Variants in PPP2R5D observed in about 807,000 individuals in gnomAD.
The protein encoded by PPP2R5D is serine/threonine-protein phosphatase 2A 56 kDa regulatory subunit delta isoform.
A neutral mutation model predicts 79.1 loss-of-function variants in PPP2R5D; 12 were observed. That is an observed-to-expected ratio of 0.15 (90% CI 0.10 to 0.25). PPP2R5D has a LOEUF of 0.25. Ranked by LOEUF, PPP2R5D falls within the 10% of genes least tolerant of loss-of-function variation. PPP2R5D has a pLI of 1.00. For missense variants in PPP2R5D, 419 were observed against 760.2 expected (o/e 0.55, Z 5.28); for synonymous variants, 277 against 286.6 (o/e 0.97, Z 0.34).
Position 43,006,177 on chromosome 6 carries a change from TCAA to T in PPP2R5D, c.106-285_106-283del, listed in dbSNP as rs1277938020. ...ATCACTTTTTTGACTTCTGTCACCA[TCAA>T]TCTATCAATTAGCTTTACCTGTTCA... On this transcript the variant is annotated intron_variant, in intron 2 of 15. Coordinates refer to ENST00000485511, the MANE Select transcript of PPP2R5D (RefSeq NM_006245.4). This position sits in a 1 kb window ranked among gnomAD's most constrained non-coding sequence, Gnocchi z 4.7. Among the ~76,000 whole-genome samples, 40 of 152,196 alleles carry T rather than the reference TCAA, an allele frequency of 2.6e-4. No individual in the cohort carries two copies. Among genetic ancestry groups the T allele is most frequent in the Admixed American group, 3.9e-4 (6 of 15,284 alleles).
In PPP2R5D at chr6:43,008,271, G is replaced by C; in HGVS notation, c.917+11G>C. On this transcript the variant is annotated intron_variant, in intron 8 of 15. Coordinates refer to ENST00000485511, the MANE Select transcript of PPP2R5D (RefSeq NM_006245.4). The surrounding 1 kb of genome is among the most constrained non-coding windows in gnomAD (Gnocchi z 4.2). ...GGAGATCCTGGGCAGGTGAGAGGCC[G>C]GGTGGGGGCACAGATGCCTGAAAAA... 1 of 1,614,170 alleles carries C rather than the reference G, an allele frequency of 6.2e-7. No homozygotes were observed. Among genetic ancestry groups the C allele is most frequent in the Non-Finnish European group, 8.5e-7 (1 of 1,180,028 alleles).
rs551806316 is a variant in PPP2R5D, at chr6:43,000,804, G to C, written c.106-5659G>C. Among the ~76,000 whole-genome samples, 84 of 152,376 alleles carry C rather than the reference G, an allele frequency of 5.5e-4. 1 individual carries two copies. Among genetic ancestry groups the C allele is most frequent in the Non-Finnish European group, 2.9e-5 (2 of 68,046 alleles). On this transcript the variant is annotated intron_variant, in intron 2 of 15. Coordinates refer to ENST00000485511, the MANE Select transcript of PPP2R5D (RefSeq NM_006245.4). ...AGTTGGGGCAGGAGAGGAAGAGTCT[G>C]TGGGGAGGAGCCTGGGCAGGACCTG... is the stretch of plus-strand genomic sequence containing the variant.
At position 43,009,702 on chromosome 6, in the gene PPP2R5D, A is replaced by G. The variant is rs1762256282; in HGVS notation, c.1379+253A>G. On this transcript the variant is annotated intron_variant, in intron 12 of 15. Coordinates refer to ENST00000485511, the MANE Select transcript of PPP2R5D (RefSeq NM_006245.4). The surrounding 1 kb of genome is among the most constrained non-coding windows in gnomAD (Gnocchi z 5.6). ...GTTCAGCTATTCTACAGGTCCTATC[A>G]CAGCTTTGGAGATGTAATTCTATGC... Among the ~76,000 whole-genome samples the G allele has an allele frequency of 6.6e-6, 1 of 152,210 alleles. No homozygotes were observed. The highest frequency in any genetic ancestry group is 1.5e-5 in the Non-Finnish European group (1 of 68,046).
intron 1 of PPP2R5D, among the ~76,000 whole-genome samples, chr6:42,987,828 G>T (rs1770966065): frequency 6.6e-6 from 1 of 152,050 alleles, no homozygotes; most frequent in Admixed American, 6.6e-5. Flanking sequence ...GGGTGGAGGG[G>T]TACAAAAAAG....
chr6:43,006,535 A>G lies in PPP2R5D; in HGVS notation c.178A>G (p.Ser60Gly). Residue 60 changes from serine (S) to glycine (G), a missense_variant, in exon 3 of 16, where the codon AGC (serine) becomes GGC (glycine). By Grantham distance (56) the Ser-to-Gly change is moderately conservative (BLOSUM62 0). Around this residue, in one of 5 missense-constraint regions of PPP2R5D, gnomAD observed 110 missense variants for 147.6 expected, o/e 0.75. Coordinates refer to ENST00000485511, the MANE Select transcript of PPP2R5D (RefSeq NM_006245.4). This position sits in a 1 kb window ranked among gnomAD's most constrained non-coding sequence, Gnocchi z 4.7. The part of the protein sequence containing the change: ...SQPPSSNKRP[S>G]NSTPPPTQLS... ...GCCACCGTCATCCAACAAGCGTCCCAGCAATAGCACGCCGCCCCCCACGCA... is the reference window on the plus strand; with the variant it reads ...GCCACCGTCATCCAACAAGCGTCCCGGCAATAGCACGCCGCCCCCCACGCA... 1 of 1,614,064 alleles carries G rather than the reference A, an allele frequency of 6.2e-7. No homozygotes were observed. Among genetic ancestry groups the G allele is most frequent in the East Asian group, 2.2e-5 (1 of 44,874 alleles).
chr6:42,990,943 C>T (rs1300493995), intron 2 of PPP2R5D, among the ~76,000 whole-genome samples: 2 of 152,004 alleles, frequency 1.3e-5, no homozygotes, highest in Non-Finnish European at 2.9e-5. Flanking sequence ...AACTCCTGAC[C>T]TCAGGTGATC....
At position 43,007,276 on chromosome 6, in the gene PPP2R5D, C is replaced by A; in HGVS notation, c.603C>A (p.Pro201=). 3 of 1,614,154 alleles carry A rather than the reference C, an allele frequency of 1.9e-6. No homozygotes were observed. The highest frequency in any genetic ancestry group is 3.3e-5 in the Admixed American group (2 of 60,022). Residue 201 remains proline (P), a synonymous_variant, in exon 5 of 16, where the codon CCC becomes CCA. Coordinates refer to ENST00000485511, the MANE Select transcript of PPP2R5D (RefSeq NM_006245.4). This position sits in a 1 kb window ranked among gnomAD's most constrained non-coding sequence, Gnocchi z 4.5. ...AGTTTGACCCAGAGGAAGATGAGCC[C>A]ACCCTGGAAGCTGCTTGGCCACATC... The part of the protein sequence containing the change: ...GAEFDPEEDE[P]TLEAAWPHLQ...
intron 2 of PPP2R5D, among the ~76,000 whole-genome samples, chr6:43,004,230 C>T (rs1010295925): frequency 6.6e-6 from 1 of 151,212 alleles, no homozygotes; most frequent in Non-Finnish European, 1.5e-5. Context: ...ACTGTGTTGT[C>T]CAGGCTGGTC....
At chr6:42,998,129 C>T (rs1203777593) in intron 2 of PPP2R5D, among the ~76,000 whole-genome samples, 1 of 112,192 alleles carries the variant, frequency 8.9e-6, no homozygotes, top group Non-Finnish European at 1.7e-5. Flanking sequence ...GGCTGGAGTG[C>T]AGTGGTGTGA....
At chr6:43,005,789 T>A (rs1762040858) in intron 2 of PPP2R5D, among the ~76,000 whole-genome samples, 1 of 151,974 alleles carries the variant, frequency 6.6e-6, no homozygotes, top group Admixed American at 6.6e-5. Context: ...GCCTGGCTAA[T>A]GTTTGTATTT....
At chr6:42,989,913 A>T (rs1381845744) in intron 2 of PPP2R5D, among the ~76,000 whole-genome samples, 2 of 152,220 alleles carry the variant, frequency 1.3e-5, no homozygotes, top group Non-Finnish European at 2.9e-5. Context: ...GATTCCTATG[A>T]AAGTTGTTTC....
chr6:43,006,343 C>T lies in PPP2R5D; in HGVS notation c.106-120C>T. ...AACCCTGGCCTTAGCTCCTTCGGGGCAGGAGACAGCTGCTCACTGCCCAGG... is the reference window on the plus strand; with the variant it reads ...AACCCTGGCCTTAGCTCCTTCGGGGTAGGAGACAGCTGCTCACTGCCCAGG... On this transcript the variant is annotated intron_variant, in intron 2 of 15. Transcript: ENST00000485511. The surrounding 1 kb of genome is among the most constrained non-coding windows in gnomAD (Gnocchi z 4.7). The T allele has an allele frequency of 1.4e-6, 2 of 1,460,304 alleles. No individual in the cohort carries two copies. The highest frequency in any genetic ancestry group is 1.4e-5 in the African/African-American group (1 of 70,546). 90.5% of individuals were successfully genotyped at this position (1,460,304 alleles called of 1,614,324 possible).
intron 2 of PPP2R5D, among the ~76,000 whole-genome samples, chr6:43,004,491 C>T (rs1761950174): frequency 6.6e-6 from 1 of 151,284 alleles, no homozygotes; most frequent in African/African-American, 2.4e-5. Context: ...TCATTAGATT[C>T]CTTTAGATTT....
intron 1 of PPP2R5D, 84 bp downstream of exon 1, chr6:42,984,788 C>A: frequency 6.3e-7 from 1 of 1,580,088 alleles, no homozygotes; most frequent in Non-Finnish European, 8.6e-7. Context: ...CCGGGACAGC[C>A]CCAGACTGAC....
intron 2 of PPP2R5D, among the ~76,000 whole-genome samples, chr6:42,996,799 G>C (rs1414258992): frequency 6.6e-6 from 1 of 152,192 alleles, no homozygotes; most frequent in Non-Finnish European, 1.5e-5. Flanking sequence ...ACACTAGATG[G>C]AGCTCTGGAT....
intron 2 of PPP2R5D, among the ~76,000 whole-genome samples, chr6:42,996,220 T>G (rs1230373094): frequency 3.4e-5 from 5 of 146,858 alleles, no homozygotes; most frequent in African/African-American, 1.2e-4. Flanking sequence ...TCCCAGCACT[T>G]TGGGAGGCCG....
At chr6:43,001,712 G>A (rs1388450402) in intron 2 of PPP2R5D, among the ~76,000 whole-genome samples, 3 of 151,838 alleles carry the variant, frequency 2.0e-5, no homozygotes, top group Non-Finnish European at 4.4e-5. Flanking sequence ...GTGAAATTCC[G>A]TCTCTACTAA....
At chr6:42,996,134 G>A (rs1169390469) in intron 2 of PPP2R5D, among the ~76,000 whole-genome samples, 1 of 146,076 alleles carries the variant, frequency 6.8e-6, no homozygotes, top group Non-Finnish European at 1.5e-5. Context: ...ATGAGCCACT[G>A]CACCCGGCCA....
chr6:42,993,914 G>A (rs1399823266), intron 2 of PPP2R5D, among the ~76,000 whole-genome samples: 1 of 152,206 alleles, frequency 6.6e-6, no homozygotes, highest in Non-Finnish European at 1.5e-5. Flanking sequence ...ACCAGGCACT[G>A]TGCTAAGTAC....
Sources: gnomAD v4.1 joint callset for allele counts (sites outside exome capture counted in the v4.1 genomes callset) on GRCh38, gnomAD v4.1.1 for gene constraint, gnomAD v4.1.1 regional missense constraint, Gnocchi (gnomAD v3.1) non-coding constraint, MANE v1.5 for transcripts, NCBI Gene and HGNC (gene_info 2026-07-23, HGNC 2026-07-21) for gene names.